The following PACRG variants were observed in gnomAD, a reference collection of about 807,000 sequenced individuals.
The protein encoded by PACRG is parkin coregulated, also known as parkin coregulated gene protein.
In PACRG, 29 loss-of-function variants were observed where a neutral mutation model predicts 29.7. That is an observed-to-expected ratio of 0.98 (90% CI 0.73 to 1.33). The LOEUF (loss-of-function observed/expected upper bound fraction) is 1.33. Ranked by LOEUF, PACRG falls within the 40% of genes most tolerant of loss-of-function variation. The probability of loss-of-function intolerance (pLI) is 0.00; values close to 1 mark genes in which losing one functional copy is unlikely to be tolerated. For synonymous variants in PACRG, 116 were observed against 118.7 expected (o/e 0.98, Z 0.15); for missense variants, 279 against 316.2 (o/e 0.88, Z 0.89).
At chr6:163,120,736 G>T (rs955933948) in intron 4 of PACRG, among the ~76,000 whole-genome samples, 27 of 152,036 alleles carry the variant, frequency 1.8e-4, no homozygotes, top group African/African-American at 6.3e-4. Context: ...TTTAGCCAAA[G>T]AATTCTGCAA....
chr6:162,945,564 A>C (rs563830850), intron 2 of PACRG, among the ~76,000 whole-genome samples: 1 of 152,054 alleles, frequency 6.6e-6, no homozygotes, highest in Non-Finnish European at 1.5e-5. Context: ...GGGTTTCAAC[A>C]CCCCAGTCTC....
At chr6:163,253,399 A>G (rs1333105355) in intron 4 of PACRG, among the ~76,000 whole-genome samples, 2 of 152,174 alleles carry the variant, frequency 1.3e-5, no homozygotes, top group Non-Finnish European at 2.9e-5. Flanking sequence ...TATTAATAAA[A>G]TCGAATTGGT....
chr6:163,250,138 TG>T (rs1782846640), intron 4 of PACRG, among the ~76,000 whole-genome samples: 1 of 152,254 alleles, frequency 6.6e-6, no homozygotes, highest in Admixed American at 6.5e-5. Context: ...GCACCATTTT[TG>T]TAAATGGTAG....
chr6:163,296,339 A>G (rs1784778262), intron 4 of PACRG, among the ~76,000 whole-genome samples: 1 of 152,048 alleles, frequency 6.6e-6, no homozygotes. Flanking sequence ...CGCCCAGGCC[A>G]GGCTGGAGTG....
chr6:162,988,204 A>G (rs908877321), intron 2 of PACRG, among the ~76,000 whole-genome samples: 1 of 152,192 alleles, frequency 6.6e-6, no homozygotes, highest in Non-Finnish European at 1.5e-5. Context: ...CCTGTCTTCT[A>G]TCTGCCATCT....
At chr6:162,770,925 T>C (rs796718601) in intron 1 of PACRG, among the ~76,000 whole-genome samples, 2 of 152,134 alleles carry the variant, frequency 1.3e-5, no homozygotes, top group South Asian at 2.1e-4. Context: ...AATTTAGGTA[T>C]TTTTTGTTGT....
chr6:163,218,807 C>T (rs147133973), intron 4 of PACRG, among the ~76,000 whole-genome samples: 447 of 152,342 alleles, frequency 2.9e-3, no homozygotes, highest in Middle Eastern at 0.014. Context: ...ACTCTCTCAA[C>T]ATGTATATAG....
At chr6:162,839,517 C>T (rs1276568825) in intron 2 of PACRG, among the ~76,000 whole-genome samples, 17 of 151,050 alleles carry the variant, frequency 1.1e-4, no homozygotes, top group Middle Eastern at 3.4e-3. Flanking sequence ...GAGTAGGTTG[C>T]GAAAATTTTC....
At chr6:162,903,214 A>T (rs890450166) in intron 2 of PACRG, among the ~76,000 whole-genome samples, 1 of 152,272 alleles carries the variant, frequency 6.6e-6, no homozygotes, top group East Asian at 1.9e-4. Context: ...ACCCCCGACC[A>T]TCTGACTGTG....
At chr6:163,194,130 T>G (rs1026896041) in intron 4 of PACRG, among the ~76,000 whole-genome samples, 1 of 152,108 alleles carries the variant, frequency 6.6e-6, no homozygotes, top group African/African-American at 2.4e-5. Context: ...TGACCTCAAG[T>G]AAGACTGTTT....
intron 4 of PACRG, among the ~76,000 whole-genome samples, chr6:163,259,303 T>C (rs1187255512): frequency 6.6e-6 from 1 of 152,144 alleles, no homozygotes; most frequent in East Asian, 1.9e-4. Context: ...TGGGGAGAGA[T>C]TGGAAAGGGT....
At chr6:163,278,850 G>GT (rs1172494803) in intron 4 of PACRG, among the ~76,000 whole-genome samples, 3 of 151,958 alleles carry the variant, frequency 2.0e-5, no homozygotes, top group Non-Finnish European at 4.4e-5. Flanking sequence ...TTTTAGTATT[G>GT]TTTTTTCTAC....
chr6:163,041,382 G>T (rs985750086), intron 2 of PACRG, among the ~76,000 whole-genome samples: 1 of 152,120 alleles, frequency 6.6e-6, no homozygotes, highest in African/African-American at 2.4e-5. Context: ...TCAAGGGAGG[G>T]ACCTGGTGGG....
intron 1 of PACRG, among the ~76,000 whole-genome samples, chr6:162,807,343 G>A (rs1786437615): frequency 6.6e-6 from 1 of 152,184 alleles, no homozygotes; most frequent in African/African-American, 2.4e-5. Context: ...GGTACAAGAG[G>A]TCTTCCAGCC....
intron 4 of PACRG, among the ~76,000 whole-genome samples, chr6:163,269,498 C>T (rs1783653490): frequency 6.6e-6 from 1 of 152,200 alleles, no homozygotes. Context: ...CCTGGTTCTT[C>T]ACATTGTTCT....
At chr6:162,795,238 G>C (rs1021317419) in intron 1 of PACRG, among the ~76,000 whole-genome samples, 1 of 151,866 alleles carries the variant, frequency 6.6e-6, no homozygotes, top group African/African-American at 2.4e-5. Flanking sequence ...AAGAGGGGTG[G>C]GGGGCAGAGT....
intron 4 of PACRG, chr6:163,101,598 A>G (rs1235011560): frequency 4.7e-6 from 1 of 213,330 alleles, no homozygotes; most frequent in Non-Finnish European, 8.0e-6. Flanking sequence ...ACCAACTAAA[A>G]TTTCTAGAAG....
intron 4 of PACRG, among the ~76,000 whole-genome samples, chr6:163,196,845 A>G (rs1562958997): frequency 6.6e-6 from 1 of 151,314 alleles, no homozygotes; most frequent in Non-Finnish European, 1.5e-5. Flanking sequence ...GAAAGACTAG[A>G]CAGATAGACA....
At chr6:163,295,730 A>G (rs1017150730) in intron 4 of PACRG, among the ~76,000 whole-genome samples, 4 of 152,246 alleles carry the variant, frequency 2.6e-5, no homozygotes, top group African/African-American at 9.6e-5. Context: ...AGTAGATAGC[A>G]GCTGCTTTGC....
Sources: allele counts gnomAD v4.1 joint callset (sites outside exome capture counted in the v4.1 genomes callset), GRCh38; gene constraint gnomAD v4.1.1; transcripts MANE v1.5; gene names NCBI Gene and HGNC (gene_info 2026-07-23, HGNC 2026-07-21).